The following CNTN4 variants were observed in gnomAD, a reference collection of about 807,000 sequenced individuals.
CNTN4 encodes contactin-4.
A neutral mutation model predicts 122.5 loss-of-function variants in CNTN4; 77 were observed. The observed-to-expected ratio is 0.63, with a 90% CI of 0.52 to 0.76. The LOEUF is 0.76. Ranked by LOEUF, CNTN4 falls within the 30% of genes least tolerant of loss-of-function variation. CNTN4 has a pLI of 0.00. For missense variants in CNTN4, 1,256 were observed against 1,259.1 expected, an observed-to-expected ratio of 1.00 and a Z score of 0.04; for synonymous variants, 512 against 447.0, an observed-to-expected ratio of 1.15 and a Z score of -1.83.
chr3:2,986,728 A>G (rs1406911884), intron 13 of CNTN4, among the ~76,000 whole-genome samples: 7 of 152,052 alleles, frequency 4.6e-5, no homozygotes, highest in African/African-American at 1.7e-4. Context: ...TGGTTCAACC[A>G]CTCTGAATTC....
intron 4 of CNTN4, among the ~76,000 whole-genome samples, chr3:2,571,828 T>C (rs2079434195): frequency 6.6e-6 from 1 of 152,148 alleles, no homozygotes; most frequent in Admixed American, 6.5e-5. Context: ...TTGAAAGTTG[T>C]TATTTTTGCT....
chr3:2,714,443 G>C (rs1198634037), intron 4 of CNTN4, among the ~76,000 whole-genome samples: 1 of 152,122 alleles, frequency 6.6e-6, no homozygotes, highest in African/African-American at 2.4e-5. Context: ...GGTTGGAGAT[G>C]TTTCACTGGT....
chr3:2,585,798 C>G (rs138839379), intron 4 of CNTN4, among the ~76,000 whole-genome samples: 2 of 150,734 alleles, frequency 1.3e-5, no homozygotes, highest in African/African-American at 4.9e-5. Context: ...TGTAACAAAC[C>G]TGCACATTGT....
At chr3:2,427,387 T>C (rs2047881296) in intron 3 of CNTN4, among the ~76,000 whole-genome samples, 1 of 152,196 alleles carries the variant, frequency 6.6e-6, no homozygotes, top group Admixed American at 6.5e-5. Flanking sequence ...CAGTTTTGAG[T>C]GAGTTTCTTA....
At chr3:2,801,348 C>T (rs1036645880) in intron 6 of CNTN4, among the ~76,000 whole-genome samples, 1 of 152,140 alleles carries the variant, frequency 6.6e-6, no homozygotes, top group Non-Finnish European at 1.5e-5. Flanking sequence ...GTTCTCTGTA[C>T]TTCAGCTCAC....
rs1193628387 is a variant in CNTN4 at position 3,057,728 on chromosome 3, A to C, written c.*1508A>C. 6.6e-6 allele frequency: 1 copy of C among 152,622 alleles called. No individual in the cohort carries two copies. The highest frequency in any genetic ancestry group is 2.4e-5 in the African/African-American group (1 of 41,448). 9.5% of individuals were successfully genotyped at this position (152,622 alleles called of 1,614,324 possible). ...AAAACTAGGGTGGTAACCGGAAAAA[A>C]ATATTGTCAGTATTTCAAGCTGTGT... On this transcript the variant is annotated 3_prime_UTR_variant, in exon 25 of 25. Coordinates refer to ENST00000418658, the MANE Select transcript of CNTN4 (RefSeq NM_175607.3).
At chr3:2,706,970 A>ATG (rs541975299) in intron 4 of CNTN4, among the ~76,000 whole-genome samples, 512 of 151,826 alleles carry the variant, frequency 3.4e-3, no homozygotes, top group African/African-American at 0.012. Flanking sequence ...GCACTAGATT[A>ATG]TGTGTATGTG....
rs114702854 is a variant in CNTN4, at chr3:2,494,789, T to G, written c.-88-76627T>G. On this transcript the variant is annotated intron_variant, in intron 3 of 24. Transcript: ENST00000418658. ...CTATACCAGAGTCTGGTTGTAATAG[T>G]CTGTGTGGTCAGTCTTAAGATCTCT... 2.9e-3 allele frequency among the ~76,000 whole-genome samples: 436 copies of G among 152,328 alleles called. 1 individual carries two copies. The highest frequency in any genetic ancestry group is 0.01 in the African/African-American group (417 of 41,582).
chr3:3,054,417 T>G (rs1188336125), intron 24 of CNTN4, among the ~76,000 whole-genome samples: 2 of 152,230 alleles, frequency 1.3e-5, no homozygotes, highest in East Asian at 3.8e-4. Flanking sequence ...AATTTACTAC[T>G]TATTTTCAAT....
chr3:2,555,457 A>G (rs1374902985), intron 3 of CNTN4, among the ~76,000 whole-genome samples: 2 of 152,222 alleles, frequency 1.3e-5, no homozygotes, highest in Admixed American at 6.5e-5. Flanking sequence ...TAGGGCATGG[A>G]TAGTAGCAAA....
intron 7 of CNTN4, among the ~76,000 whole-genome samples, chr3:2,835,242 C>A (rs2150421776): frequency 6.6e-6 from 1 of 152,112 alleles, no homozygotes; most frequent in Non-Finnish European, 1.5e-5. Context: ...ACACAAACCA[C>A]AATGAAGACA....
rs150833279 is a variant in CNTN4 at position 2,394,193 on chromosome 3, A to T, written c.-89+54960A>T. ...TTTTTTTTTTAATATTGAGAATGAA[A>T]AAAAGGCATAATAGCATCAATCCAG... On this transcript the variant is annotated intron_variant, in intron 3 of 24. Transcript: ENST00000418658. 4.9e-3 allele frequency among the ~76,000 whole-genome samples: 741 copies of T among 152,226 alleles called. 8 individuals carry two copies. The highest frequency in any genetic ancestry group is 0.017 in the African/African-American group (698 of 41,528).
At chr3:2,358,773 T>G (rs775909200) in intron 3 of CNTN4, among the ~76,000 whole-genome samples, 9 of 152,186 alleles carry the variant, frequency 5.9e-5, no homozygotes, top group Non-Finnish European at 7.4e-5. Context: ...TATAATGAAC[T>G]ACTATGCTGG....
At chr3:2,516,157 T>C (rs1374395830) in intron 3 of CNTN4, among the ~76,000 whole-genome samples, 1 of 152,078 alleles carries the variant, frequency 6.6e-6, no homozygotes, top group Non-Finnish European at 1.5e-5. Context: ...CTTATTGAAC[T>C]TGTAGGCTAT....
intron 2 of CNTN4, among the ~76,000 whole-genome samples, chr3:2,300,829 A>G (rs2042487309): frequency 6.6e-6 from 1 of 151,856 alleles, no homozygotes; most frequent in Non-Finnish European, 1.5e-5. Context: ...TCGGCCTCCC[A>G]AAGTGCTGGG....
At chr3:2,832,060 T>G (rs2093117409) in intron 7 of CNTN4, among the ~76,000 whole-genome samples, 1 of 152,356 alleles carries the variant, frequency 6.6e-6, no homozygotes, top group Non-Finnish European at 1.5e-5. Flanking sequence ...AAGACATTCA[T>G]GTACCTTCTT....
At chr3:2,557,939 T>A (rs149796832) in intron 3 of CNTN4, among the ~76,000 whole-genome samples, 1 of 152,294 alleles carries the variant, frequency 6.6e-6, no homozygotes, top group Non-Finnish European at 1.5e-5. Context: ...GTAGGCAAAC[T>A]TTTATGATCC....
At chr3:2,737,462 CCT>C (rs1173888020) in intron 5 of CNTN4, among the ~76,000 whole-genome samples, 2 of 152,154 alleles carry the variant, frequency 1.3e-5, no homozygotes, top group Non-Finnish European at 2.9e-5. Context: ...AAGTACCCAA[CCT>C]CTGTTTTTCG....
At chr3:2,902,393 A>T (rs1246632340) in intron 11 of CNTN4, among the ~76,000 whole-genome samples, 2 of 152,168 alleles carry the variant, frequency 1.3e-5, no homozygotes, top group Non-Finnish European at 2.9e-5. Context: ...ATTTTTTAGT[A>T]AACCTCAACC....
Sources: allele counts gnomAD v4.1 joint callset (sites outside exome capture counted in the v4.1 genomes callset), GRCh38; gene constraint gnomAD v4.1.1; transcripts MANE v1.5; gene names NCBI Gene and HGNC (gene_info 2026-07-23, HGNC 2026-07-21).